The following CDH13 variants were observed in gnomAD, a reference collection of about 807,000 sequenced individuals.
The protein encoded by CDH13 is cadherin 13, also known as cadherin-13.
In CDH13, 24 loss-of-function variants were observed where a neutral mutation model predicts 63.8. The observed-to-expected ratio is 0.38, with a 90% CI of 0.27 to 0.53. The LOEUF (loss-of-function observed/expected upper bound fraction) is 0.53, where lower values mean the gene tolerates loss of function less well. Among genes scored for constraint, CDH13 ranks in the 20% least tolerant of loss-of-function variants. The pLI, the probability that CDH13 is intolerant of heterozygous loss-of-function variation, is 0.85. For missense variants in CDH13, 1,049 were observed against 903.1 expected, an observed-to-expected ratio of 1.16 and a Z score of -2.07; for synonymous variants, 503 against 355.3, an observed-to-expected ratio of 1.42 and a Z score of -4.67.
intron 3 of CDH13, among the ~76,000 whole-genome samples, chr16:83,083,394 A>T (rs371419125): frequency 6.0e-4 from 91 of 152,338 alleles, no homozygotes; most frequent in African/African-American, 2.1e-3. Flanking sequence ...GCTATAAAGA[A>T]GGCAAAACAA....
intron 6 of CDH13, among the ~76,000 whole-genome samples, chr16:83,422,023 G>A (rs1223730776): frequency 6.6e-6 from 1 of 152,122 alleles, no homozygotes; most frequent in Non-Finnish European, 1.5e-5. Context: ...TTTCTCATAT[G>A]AAAGTTAAGT....
At chr16:83,128,417 CT>C (rs1463519242) in intron 4 of CDH13, among the ~76,000 whole-genome samples, 1 of 152,196 alleles carries the variant, frequency 6.6e-6, no homozygotes, top group African/African-American at 2.4e-5. Context: ...TACACAGCTT[CT>C]AGGTGATTGT....
intron 9 of CDH13, among the ~76,000 whole-genome samples, chr16:83,672,057 G>A (rs1285095915): frequency 6.6e-6 from 1 of 152,218 alleles, no homozygotes; most frequent in East Asian, 1.9e-4. Context: ...TATTTATAGT[G>A]ATAGTACCAG....
At chr16:82,864,454 A>G (rs2040050996) in intron 2 of CDH13, among the ~76,000 whole-genome samples, 1 of 152,180 alleles carries the variant, frequency 6.6e-6, no homozygotes, top group Admixed American at 6.5e-5. Flanking sequence ...CAATCATGGC[A>G]GAAGGTGAAG....
At chr16:82,879,806 TTATA>T (rs959735532) in intron 2 of CDH13, among the ~76,000 whole-genome samples, 1 of 133,256 alleles carries the variant, frequency 7.5e-6, no homozygotes, top group Non-Finnish European at 1.5e-5. Context: ...TGAATATATA[TTATA>T]TAATTTATAA....
intron 2 of CDH13, among the ~76,000 whole-genome samples, chr16:82,870,760 A>G (rs1047096573): frequency 1.3e-5 from 2 of 152,228 alleles, no homozygotes; most frequent in Non-Finnish European, 2.9e-5. Flanking sequence ...CTAAAAATAT[A>G]CAACTATTAT....
chr16:82,880,716 A>G (rs1290673985), intron 2 of CDH13, among the ~76,000 whole-genome samples: 1 of 152,178 alleles, frequency 6.6e-6, no homozygotes, highest in Non-Finnish European at 1.5e-5. Context: ...TCTATTATAC[A>G]TCAATATGCT....
intron 4 of CDH13, among the ~76,000 whole-genome samples, chr16:83,168,379 A>G (rs528355304): frequency 1.3e-5 from 2 of 152,122 alleles, no homozygotes; most frequent in Admixed American, 1.3e-4. Flanking sequence ...GTATATATAT[A>G]CACACACATA....
rs529621622 is a variant in CDH13, at chr16:83,676,292, G to A, written c.1285-1916G>A. Among the ~76,000 whole-genome samples the A allele has an allele frequency of 1.6e-4, 25 of 152,256 alleles. No individual in the cohort carries two copies. The East Asian group carries it at 4.6e-3, about 28-fold the overall frequency. ...GAGAATCAGATGTCAGACCAAACTA[G>A]GCCAAGATTGTGATTAGTGCTGGTG... On this transcript the variant is annotated intron_variant, in intron 9 of 13. Coordinates refer to ENST00000567109, the MANE Select transcript of CDH13 (RefSeq NM_001257.5).
chr16:82,666,470 C>T (rs1464241992), intron 1 of CDH13, among the ~76,000 whole-genome samples: 1 of 152,220 alleles, frequency 6.6e-6, no homozygotes, highest in Non-Finnish European at 1.5e-5. Flanking sequence ...TACTTGAATA[C>T]TTGGTGGGTA....
chr16:83,410,110 G>T (rs1002174042), intron 6 of CDH13, among the ~76,000 whole-genome samples: 2 of 152,196 alleles, frequency 1.3e-5, no homozygotes, highest in African/African-American at 2.4e-5. Flanking sequence ...CTGTTAACAG[G>T]TAATAAGATT....
intron 2 of CDH13, among the ~76,000 whole-genome samples, chr16:83,007,418 A>G (rs541640227): frequency 7.2e-4 from 109 of 152,362 alleles, no homozygotes; most frequent in African/African-American, 2.4e-3. Flanking sequence ...CTCCAAGGTT[A>G]TATAACTCTT....
chr16:83,302,396 C>G (rs145924510), intron 5 of CDH13, among the ~76,000 whole-genome samples: 2,361 of 152,286 alleles, frequency 0.016, 27 homozygotes, highest in Non-Finnish European at 0.023. Flanking sequence ...AGAATAGCAG[C>G]TCTGTAAATA....
chr16:83,032,062 C>T lies in CDH13; in HGVS notation c.210C>T (p.Ser70=). 1 of 1,610,442 alleles carries T rather than the reference C, an allele frequency of 6.2e-7. No homozygotes were observed. The change falls in exon 3 of 14, where the codon AGC becomes AGT. Residue 70 remains serine (S), a synonymous_variant. Coordinates refer to ENST00000567109, the MANE Select transcript of CDH13 (RefSeq NM_001257.5). ...ACAAGCTACGCTATGAGGTCTCGAG[C>T]CCATACTTCAAGGTGAACAGCGATG... is the stretch of plus-strand genomic sequence containing the variant. ...GNDKLRYEVS[S]PYFKVNSDGG...
intron 7 of CDH13, among the ~76,000 whole-genome samples, chr16:83,504,095 T>C (rs2074344462): frequency 6.6e-6 from 1 of 152,096 alleles, no homozygotes. Flanking sequence ...ACAGTCTGCA[T>C]ATGTATCCCA....
intron 5 of CDH13, among the ~76,000 whole-genome samples, chr16:83,280,678 G>A (rs780183606): frequency 9.0e-5 from 5 of 55,616 alleles, no homozygotes; most frequent in Admixed American, 2.4e-4. Flanking sequence ...TGCCAGCTAT[G>A]GCCTACAAAA....
chr16:82,837,301 G>C (rs933267367), intron 1 of CDH13, among the ~76,000 whole-genome samples: 1 of 152,146 alleles, frequency 6.6e-6, no homozygotes, highest in Non-Finnish European at 1.5e-5. Flanking sequence ...TCAGAGGCTT[G>C]TGGTGAGGAT....
At chr16:83,411,902 A>C (rs1255363012) in intron 6 of CDH13, among the ~76,000 whole-genome samples, 1 of 152,190 alleles carries the variant, frequency 6.6e-6, no homozygotes, top group African/African-American at 2.4e-5. Flanking sequence ...TTACAGAGGA[A>C]AAACACGAGC....
chr16:82,716,529 G>A (rs2032383585), intron 1 of CDH13, among the ~76,000 whole-genome samples: 1 of 150,770 alleles, frequency 6.6e-6, no homozygotes, highest in Non-Finnish European at 1.5e-5. Flanking sequence ...GGGATTATGA[G>A]TGGAGGAATC....
Sources: allele counts gnomAD v4.1 joint callset (sites outside exome capture counted in the v4.1 genomes callset), GRCh38; gene constraint gnomAD v4.1.1; transcripts MANE v1.5; gene names NCBI Gene and HGNC (gene_info 2026-07-23, HGNC 2026-07-21).